Variants in VLDLR observed in about 807,000 individuals in gnomAD.
VLDLR encodes very low-density lipoprotein receptor.
VLDLR carries 81 observed loss-of-function variants against 112.7 expected under a neutral mutation model. The ratio of observed to expected loss-of-function variants is 0.72; its 90% CI spans 0.60 to 0.86. VLDLR has a LOEUF of 0.86. VLDLR is among the 40% of genes least tolerant of loss of function. VLDLR has a pLI of 0.00. For missense variants in VLDLR, 1,237 were observed against 1,099.4 expected, an observed-to-expected ratio of 1.13 and a Z score of -1.77; for synonymous variants, 436 against 384.8, an observed-to-expected ratio of 1.13 and a Z score of -1.56.
intron 11 of VLDLR, 130 bp downstream of exon 11, chr9:2,646,682 TTTAAGATA>T: frequency 1.0e-6 from 1 of 978,132 alleles, no homozygotes; most frequent in Non-Finnish European, 1.6e-6. Flanking sequence ...AGAATTCTAA[TTTAAGATA>T]TCAGTTTTGC....
At chr9:2,638,945 A>T (rs1817715321) in intron 2 of VLDLR, among the ~76,000 whole-genome samples, 1 of 152,230 alleles carries the variant, frequency 6.6e-6, no homozygotes, top group Non-Finnish European at 1.5e-5. Flanking sequence ...ATCTCTTGTT[A>T]CACTGATTGA....
intron 1 of VLDLR, among the ~76,000 whole-genome samples, chr9:2,625,312 G>C (rs966140477): frequency 6.6e-6 from 1 of 152,174 alleles, no homozygotes; most frequent in Non-Finnish European, 1.5e-5. Context: ...GTACCCAGCC[G>C]TGTGGCTTCG....
intron 14 of VLDLR, among the ~76,000 whole-genome samples, chr9:2,649,581 G>A (rs1818227467): frequency 6.6e-6 from 1 of 152,070 alleles, no homozygotes; most frequent in South Asian, 2.1e-4. Context: ...TAGTAGAGAT[G>A]GGGTTTCACC....
chr9:2,648,553 C>A, intron 13 of VLDLR, 116 bp from the exon 14 acceptor site: 10 of 1,554,660 alleles, frequency 6.4e-6, no homozygotes, highest in Middle Eastern at 1.7e-4. Flanking sequence ...TATCCAGTGT[C>A]CCAGTTCAGC....
chr9:2,653,804 G>A, intron 18 of VLDLR, 29 bp from the exon 19 acceptor site: 2 of 1,613,732 alleles, frequency 1.2e-6, no homozygotes, highest in Non-Finnish European at 1.7e-6. Flanking sequence ...TGATCACCAA[G>A]CTCATTCTAT....
rs61680532 is a variant in VLDLR at position 2,652,363 on chromosome 9, G to C, written c.2416+409G>C. Among the ~76,000 whole-genome samples, 1,155 of 152,322 alleles carry C rather than the reference G, an allele frequency of 7.6e-3. 11 individuals are homozygous for C. Among genetic ancestry groups the C allele is most frequent in the African/African-American group, 0.026 (1,071 of 41,564 alleles). On this transcript the variant is annotated intron_variant, in intron 17 of 18. Transcript: ENST00000382100. ...TTGAGGATAAATTAAAAGCAGTTAA[G>C]AATTTTCAAACCTATGGAAAAGGAC...
At chr9:2,649,175 A>C (rs545325611) in intron 14 of VLDLR, among the ~76,000 whole-genome samples, 10 of 152,152 alleles carry the variant, frequency 6.6e-5, no homozygotes, top group African/African-American at 2.2e-4. Flanking sequence ...GCAATGAAGT[A>C]CCACAGACTA....
At chr9:2,640,795 C>A (rs1817791043) in intron 3 of VLDLR, among the ~76,000 whole-genome samples, 1 of 152,176 alleles carries the variant, frequency 6.6e-6, no homozygotes, top group African/African-American at 2.4e-5. Context: ...TAATATTGGT[C>A]AAGGCAAGTG....
chr9:2,644,825 T>G lies in VLDLR; in HGVS notation c.1158T>G (p.Phe386Leu). The stretch of plus-strand genomic sequence containing the variant: ...ACGAGTGTGACTGTGCAGCTGGGTT[T>G]GAACTGATAGATAGGAAAACCTGTG... The part of the protein sequence containing the change: ...IGYECDCAAG[F>L]ELIDRKTCGD... Residue 386 changes from phenylalanine (F) to leucine (L), a missense_variant, in exon 8 of 19, where the codon TTT becomes TTG. Phe to Leu is a conservative substitution (Grantham distance 22). Transcript: ENST00000382100. 6.2e-7 allele frequency: 1 copy of G among 1,614,154 alleles called. No homozygotes were observed. The highest frequency in any genetic ancestry group is 8.5e-7 in the Non-Finnish European group (1 of 1,180,036).
In VLDLR at chr9:2,658,260, C is replaced by T. The variant is rs1199586191; in HGVS notation, c.*4392C>T. On this transcript the variant is annotated 3_prime_UTR_variant, in exon 19 of 19. Transcript: ENST00000382100. ...CATAGATAAATAAGCTACTAACAAA[C>T]TGATAACAGTGGTGTTCCATCTCTC... 6.6e-6 allele frequency: 1 copy of T among 152,212 alleles called. No homozygotes were observed. The highest frequency in any genetic ancestry group is 1.5e-5 in the Non-Finnish European group (1 of 68,034). The allele number at this position is 152,212 out of a possible 1,614,324, so 9.4% of individuals were successfully genotyped here.
rs751826260 is a variant in VLDLR, at chr9:2,645,676, T to C, written c.1415T>C (p.Val472Ala). The part of the protein sequence containing the change: ...IQLVEQLRNT[V>A]ALDADIAAQK... ...CTAGTTGAACAGCTAAGAAACACTG[T>C]GGCTCTCGATGCTGACATTGCTGCC... Residue 472 changes from valine to alanine, a missense_variant, in exon 10 of 19, where the codon GTG becomes GCG. By Grantham distance (64) the Val-to-Ala change is moderately conservative. Transcript: ENST00000382100. 1 of 1,614,214 alleles carries C rather than the reference T, an allele frequency of 6.2e-7. No homozygotes were observed. Among genetic ancestry groups the C allele is most frequent in the Non-Finnish European group, 8.5e-7 (1 of 1,180,036 alleles).
intron 2 of VLDLR, among the ~76,000 whole-genome samples, chr9:2,636,970 T>C (rs1817619941): frequency 6.6e-6 from 1 of 152,220 alleles, no homozygotes; most frequent in East Asian, 1.9e-4. Flanking sequence ...CTGGGTCAAC[T>C]TGGGATTTTT....
intron 7 of VLDLR, among the ~76,000 whole-genome samples, chr9:2,644,276 A>G (rs1013052638): frequency 2.1e-5 from 3 of 145,996 alleles, no homozygotes; most frequent in African/African-American, 5.1e-5. Flanking sequence ...CTTCTGCCTC[A>G]GCCTCCTGAG....
intron 2 of VLDLR, among the ~76,000 whole-genome samples, chr9:2,638,541 G>A (rs1190358995): frequency 6.6e-6 from 1 of 151,872 alleles, no homozygotes; most frequent in Non-Finnish European, 1.5e-5. Flanking sequence ...TATAATCTAA[G>A]AAAGATAAGC....
intron 11 of VLDLR, among the ~76,000 whole-genome samples, 161 bp from the exon 12 acceptor site, chr9:2,647,313 A>G (rs1211575944): frequency 5.3e-5 from 8 of 152,212 alleles, no homozygotes; most frequent in Non-Finnish European, 1.0e-4. Flanking sequence ...TTAATATTCA[A>G]TTTTATTTAC....
At position 2,657,107 on chromosome 9, in the gene VLDLR, T is replaced by C. The variant is rs2130820028; in HGVS notation, c.*3239T>C. On this transcript the variant is annotated 3_prime_UTR_variant, in exon 19 of 19. Transcript: ENST00000382100. ...AGACTAACTCTTCAGTTAAGAACAC[T>C]GTAGAAATGGTAGACCAACTTAAAG... 6.6e-6 allele frequency: 1 copy of C among 152,244 alleles called. No individual in the cohort carries two copies. The highest frequency in any genetic ancestry group is 1.9e-4 in the East Asian group (1 of 5,164). The allele number at this position is 152,244 out of a possible 1,614,324, so 9.4% of individuals were successfully genotyped here. A position where few individuals can be genotyped will look rare whatever the true frequency, so the allele number is the denominator to read the frequency against.
At chr9:2,636,620 A>G (rs1164432331) in intron 2 of VLDLR, among the ~76,000 whole-genome samples, 1 of 152,218 alleles carries the variant, frequency 6.6e-6, no homozygotes, top group East Asian at 1.9e-4. Context: ...CCATTCTACC[A>G]TCTCAGGGAA....
At chr9:2,641,319 G>T (rs1178688244) in intron 3 of VLDLR, 58 bp from the exon 4 acceptor site, 11 of 1,612,084 alleles carry the variant, frequency 6.8e-6, no homozygotes, top group African/African-American at 1.3e-5. Flanking sequence ...CAGCACAGGA[G>T]CAGCAGCTTT....
chr9:2,650,152 T>G (rs528600846), intron 14 of VLDLR, among the ~76,000 whole-genome samples: 6 of 152,264 alleles, frequency 3.9e-5, no homozygotes, highest in Admixed American at 1.3e-4. Context: ...ACTTTTACAG[T>G]CTATCTCGAA....
Sources: gnomAD v4.1 joint callset for allele counts (sites outside exome capture counted in the v4.1 genomes callset) on GRCh38, gnomAD v4.1.1 for gene constraint, MANE v1.5 for transcripts, NCBI Gene and HGNC (gene_info 2026-07-23, HGNC 2026-07-21) for gene names.